The following COBL variants were observed in gnomAD, a reference collection of about 807,000 sequenced individuals.
The protein encoded by COBL is cordon-bleu WH2 repeat protein.
COBL carries 51 observed loss-of-function variants against 98.8 expected under a neutral mutation model. The ratio of observed to expected loss-of-function variants is 0.52; its 90% confidence interval spans 0.41 to 0.65. COBL has a LOEUF of 0.65. Among genes scored for constraint, COBL ranks in the 30% least tolerant of loss-of-function variants. COBL has a pLI of 0.00. For synonymous variants in COBL, 634 were observed against 651.7 expected, an observed-to-expected ratio of 0.97 and a Z score of 0.41; for missense variants, 1,617 against 1,617.5, an observed-to-expected ratio of 1.00 and a Z score of 0.01.
chr7:51,086,647 A>T (rs73695290), intron 6 of COBL, among the ~76,000 whole-genome samples: 28 of 124,108 alleles, frequency 2.3e-4, no homozygotes, highest in Middle Eastern at 4.5e-3. Flanking sequence ...AGAGAGAGAG[A>T]GTGTGTGTGT....
At chr7:51,217,741 C>T (rs1392594348) in intron 2 of COBL, among the ~76,000 whole-genome samples, 2 of 152,154 alleles carry the variant, frequency 1.3e-5, no homozygotes, top group Admixed American at 1.3e-4. Flanking sequence ...AAATTTCATG[C>T]ATATACTAAA....
chr7:51,054,628 G>C (rs1054731099), intron 7 of COBL, among the ~76,000 whole-genome samples: 6 of 152,162 alleles, frequency 3.9e-5, no homozygotes, highest in African/African-American at 1.4e-4. Context: ...GGGGCCCTCG[G>C]AACCCCTAAG....
chr7:51,246,502 C>A (rs1796279322), intron 1 of COBL, among the ~76,000 whole-genome samples: 1 of 152,170 alleles, frequency 6.6e-6, no homozygotes, highest in Non-Finnish European at 1.5e-5. Context: ...CCAGCCCTGA[C>A]CTTGTCCCAG....
At chr7:51,023,668 G>A (rs1264400799) in intron 12 of COBL, among the ~76,000 whole-genome samples, 3 of 152,236 alleles carry the variant, frequency 2.0e-5, no homozygotes, top group East Asian at 1.9e-4. Context: ...CAAGGCTGCC[G>A]GCCGGGTGTG....
At chr7:51,220,910 A>G (rs1793574723) in intron 1 of COBL, among the ~76,000 whole-genome samples, 1 of 152,186 alleles carries the variant, frequency 6.6e-6, no homozygotes, top group Non-Finnish European at 1.5e-5. Context: ...TTTTATACAT[A>G]GAATACATAT....
rs1022187823 is a variant in COBL, at chr7:51,278,592, C to T, written c.41+38001G>A. ...TCGGGGTTTCACCATGTTGGCCAGG[C>T]TGGTCTCGAACTCCTGACCTCAGGT... On this transcript the variant is annotated intron_variant, in intron 1 of 12. Transcript: ENST00000265136. Among the ~76,000 whole-genome samples, 22 of 152,138 alleles carry T rather than the reference C, an allele frequency of 1.4e-4. 1 individual carries two copies. Among genetic ancestry groups the T allele is most frequent in the African/African-American group, 5.1e-4 (21 of 41,504 alleles).
chr7:51,147,759 T>C (rs935813965), intron 5 of COBL, among the ~76,000 whole-genome samples: 1 of 151,710 alleles, frequency 6.6e-6, no homozygotes, highest in African/African-American at 2.4e-5. Flanking sequence ...TTTTCTTTTT[T>C]TTTTTTTTTG....
At chr7:51,264,656 G>A (rs1278902953) in intron 1 of COBL, among the ~76,000 whole-genome samples, 1 of 108,712 alleles carries the variant, frequency 9.2e-6, no homozygotes, top group East Asian at 3.3e-4. Context: ...GGGTGACAGA[G>A]CAAAACTCCA....
At chr7:51,046,309 G>GTGATGGAGGC (rs1355945895) in intron 7 of COBL, among the ~76,000 whole-genome samples, 1 of 152,188 alleles carries the variant, frequency 6.6e-6, no homozygotes. Flanking sequence ...TTTGAGGAGG[G>GTGATGGAGGC]TGATGGAGGC....
At chr7:51,151,978 A>AT (rs1785609276) in intron 5 of COBL, among the ~76,000 whole-genome samples, 1 of 152,184 alleles carries the variant, frequency 6.6e-6, no homozygotes, top group African/African-American at 2.4e-5. Context: ...TAATGATCTG[A>AT]TTTTGGCTTA....
chr7:51,184,259 A>C, intron 4 of COBL, 60 bp from the exon 5 acceptor site: 1 of 968,994 alleles, frequency 1.0e-6, no homozygotes, highest in Non-Finnish European at 1.5e-6. Context: ...TCAATACTTT[A>C]CTTAAAAAAT....
chr7:51,032,907 G>T (rs1788296936), intron 8 of COBL: 1 of 152,150 alleles, frequency 6.6e-6, no homozygotes, highest in South Asian at 2.1e-4. Context: ...TACTTGGAAA[G>T]ATGGAAAACT....
Position 51,029,426 on chromosome 7 carries a change from A to T in COBL, c.1670T>A (p.Phe557Tyr). Reference sequence around the variant, plus strand: ...CCCAGCATTGTTGTTTCTATTGGAAAACAACCCCGAATCCACAGGATCATC... The same window carrying T: ...CCCAGCATTGTTGTTTCTATTGGAATACAACCCCGAATCCACAGGATCATC... Reference protein sequence around the residue: ...VSDDPVDSGLFSNRNNNAGSF... With the variant: ...VSDDPVDSGLYSNRNNNAGSF... The change falls in exon 10 of 13, where the codon TTT (phenylalanine) becomes TAT (tyrosine). Residue 557 changes from phenylalanine to tyrosine, a missense_variant. Phe to Tyr is a conservative substitution (Grantham distance 22). Coordinates refer to ENST00000265136, the MANE Select transcript of COBL (RefSeq NM_015198.5). 6.2e-7 allele frequency: 1 copy of T among 1,614,138 alleles called. No homozygotes were observed. The highest frequency in any genetic ancestry group is 8.5e-7 in the Non-Finnish European group (1 of 1,180,014).
chr7:51,253,734 A>C (rs1185416982), intron 1 of COBL, among the ~76,000 whole-genome samples: 3 of 152,216 alleles, frequency 2.0e-5, no homozygotes. Flanking sequence ...CTATAATTGT[A>C]CCAGATAAAT....
intron 2 of COBL, among the ~76,000 whole-genome samples, chr7:51,216,626 A>G (rs995784949): frequency 2.6e-5 from 4 of 152,172 alleles, no homozygotes; most frequent in African/African-American, 9.7e-5. Context: ...TTAATCTGTA[A>G]GAACAGACTT....
chr7:51,225,542 C>T (rs1407631083), intron 1 of COBL, among the ~76,000 whole-genome samples: 1 of 152,218 alleles, frequency 6.6e-6, no homozygotes, highest in Admixed American at 6.5e-5. Context: ...AATCACAGCA[C>T]ACACAACTCA....
intron 7 of COBL, among the ~76,000 whole-genome samples, chr7:51,082,767 G>A (rs1176110996): frequency 6.6e-6 from 1 of 152,180 alleles, no homozygotes; most frequent in Non-Finnish European, 1.5e-5. Flanking sequence ...GACACTCTGA[G>A]GTTCATTCTA....
intron 5 of COBL, among the ~76,000 whole-genome samples, chr7:51,147,707 C>T (rs561749733): frequency 5.6e-4 from 85 of 151,670 alleles, no homozygotes; most frequent in Middle Eastern, 3.5e-3. Flanking sequence ...AATATTTAGG[C>T]GAAATTGCGG....
chr7:51,049,710 T>C (rs1790055228), intron 7 of COBL, among the ~76,000 whole-genome samples: 1 of 152,064 alleles, frequency 6.6e-6, no homozygotes, highest in Non-Finnish European at 1.5e-5. Context: ...GGTCAAAAGA[T>C]GGGAAAAAGC....
Sources: gnomAD v4.1 joint callset for allele counts (sites outside exome capture counted in the v4.1 genomes callset) on GRCh38, gnomAD v4.1.1 for gene constraint, MANE v1.5 for transcripts, NCBI Gene and HGNC (gene_info 2026-07-23, HGNC 2026-07-21) for gene names.